DLEU7: variants seen among roughly 807,000 people sequenced by gnomAD.
DLEU7 encodes the protein deleted in lymphocytic leukemia 7.
Under a neutral mutation model 16.0 loss-of-function variants are expected in DLEU7, and 17 were observed. That is an observed-to-expected ratio of 1.06 (90% CI 0.73 to 1.59). The LOEUF (loss-of-function observed/expected upper bound fraction) is 1.59. Ranked by LOEUF, DLEU7 falls within the 40% of genes most tolerant of loss-of-function variation. DLEU7 has a pLI of 0.00. For missense variants in DLEU7, 308 were observed against 314.9 expected, an observed-to-expected ratio of 0.98 and a Z score of 0.17; for synonymous variants, 113 against 139.8, an observed-to-expected ratio of 0.81 and a Z score of 1.35.
intron 1 of DLEU7, among the ~76,000 whole-genome samples, chr13:50,736,386 T>A (rs113111237): frequency 0.047 from 7,078 of 152,066 alleles, 198 homozygotes; most frequent in Non-Finnish European, 0.059. Flanking sequence ...AGGAGCAGAA[T>A]AAATAACTAT....
intron 1 of DLEU7, among the ~76,000 whole-genome samples, chr13:50,774,093 C>G (rs1351137700): frequency 6.6e-6 from 1 of 152,152 alleles, no homozygotes; most frequent in Admixed American, 6.5e-5. Context: ...GTGTAATTTC[C>G]TGGTGTGCCG....
chr13:50,775,448 C>T (rs1474895644), intron 1 of DLEU7, among the ~76,000 whole-genome samples: 2 of 152,162 alleles, frequency 1.3e-5, no homozygotes, highest in Non-Finnish European at 2.9e-5. Flanking sequence ...ACTTGAATTC[C>T]AAACTGTCTG....
intron 1 of DLEU7, among the ~76,000 whole-genome samples, chr13:50,780,651 G>A (rs557465781): frequency 5.3e-5 from 8 of 152,312 alleles, no homozygotes; most frequent in African/African-American, 7.2e-5. Flanking sequence ...CTACATAGTT[G>A]CTGAAGTGAA....
At chr13:50,757,603 G>A (rs772157745) in intron 1 of DLEU7, among the ~76,000 whole-genome samples, 16 of 152,120 alleles carry the variant, frequency 1.1e-4, no homozygotes, top group African/African-American at 2.9e-4. Context: ...CACACTATTC[G>A]TCATGCTTGT....
intron 1 of DLEU7, among the ~76,000 whole-genome samples, chr13:50,747,925 T>C (rs576884600): frequency 6.6e-6 from 1 of 152,336 alleles, no homozygotes; most frequent in South Asian, 2.1e-4. Flanking sequence ...CCATGGCAAC[T>C]GGCATGCTCA....
chr13:50,794,705 C>T (rs1876060325), intron 1 of DLEU7, among the ~76,000 whole-genome samples: 1 of 152,142 alleles, frequency 6.6e-6, no homozygotes. Context: ...TTCACAATAA[C>T]CCTTGATGTA....
intron 1 of DLEU7, among the ~76,000 whole-genome samples, chr13:50,792,577 CTCT>C (rs1430999639): frequency 6.6e-6 from 1 of 152,112 alleles, no homozygotes; most frequent in Non-Finnish European, 1.5e-5. Flanking sequence ...CTTCTACTAT[CTCT>C]TCTTCTCTAT....
At chr13:50,832,999 C>G (rs527559348) in intron 1 of DLEU7, among the ~76,000 whole-genome samples, 5 of 152,148 alleles carry the variant, frequency 3.3e-5, no homozygotes, top group Admixed American at 2.0e-4. Flanking sequence ...ATTCAACAGC[C>G]CTTCATGCTA....
intron 1 of DLEU7, among the ~76,000 whole-genome samples, chr13:50,746,657 C>G (rs1301044064): frequency 3.9e-5 from 6 of 152,178 alleles, no homozygotes; most frequent in Middle Eastern, 3.2e-3. Flanking sequence ...TGGGCAAGTT[C>G]TATTTCAGCC....
chr13:50,817,382 C>A (rs1167618548), intron 1 of DLEU7, among the ~76,000 whole-genome samples: 2 of 152,152 alleles, frequency 1.3e-5, no homozygotes, highest in African/African-American at 4.8e-5. Flanking sequence ...TCTCTGGTAA[C>A]ACATACTAGG....
intron 1 of DLEU7, among the ~76,000 whole-genome samples, chr13:50,796,060 C>A (rs1424733405): frequency 7.2e-6 from 1 of 138,866 alleles, no homozygotes; most frequent in Admixed American, 7.4e-5. Context: ...CAGCATACCA[C>A]CAGGATATAT....
At chr13:50,776,284 A>G (rs1470314878) in intron 1 of DLEU7, among the ~76,000 whole-genome samples, 1 of 152,158 alleles carries the variant, frequency 6.6e-6, no homozygotes, top group Non-Finnish European at 1.5e-5. Flanking sequence ...GAAATGATCT[A>G]TGGTCCTTGG....
At chr13:50,803,862 G>T (rs1217424302) in intron 1 of DLEU7, among the ~76,000 whole-genome samples, 1 of 152,056 alleles carries the variant, frequency 6.6e-6, no homozygotes, top group Non-Finnish European at 1.5e-5. Context: ...TATATTGTCA[G>T]ATTCATCAGT....
At chr13:50,746,557 C>T (rs886424704) in intron 1 of DLEU7, among the ~76,000 whole-genome samples, 5 of 152,150 alleles carry the variant, frequency 3.3e-5, no homozygotes, top group Non-Finnish European at 7.4e-5. Flanking sequence ...GCATTTTTGA[C>T]TAATACCTTC....
chr13:50,754,899 C>T (rs1425158195), intron 1 of DLEU7, among the ~76,000 whole-genome samples: 1 of 152,192 alleles, frequency 6.6e-6, no homozygotes, highest in Non-Finnish European at 1.5e-5. Flanking sequence ...GGCGAATTCT[C>T]TCAGCATTTG....
intron 1 of DLEU7, among the ~76,000 whole-genome samples, chr13:50,727,214 C>CATGTGT (rs1555288115): frequency 1.3e-5 from 2 of 150,078 alleles, no homozygotes; most frequent in African/African-American, 4.9e-5. Context: ...CTCTTGCATA[C>CATGTGT]GTGTGTGTGT....
Position 50,779,420 on chromosome 13 carries a change from T to C in DLEU7, c.459+63768A>G, listed in dbSNP as rs56756371. 3.2e-3 allele frequency among the ~76,000 whole-genome samples: 495 copies of C among 152,318 alleles called. 3 individuals are homozygous for C. The highest frequency in any genetic ancestry group is 0.011 in the African/African-American group (449 of 41,576). ...ATTATTCCTTGGGAGGCCAGACTTG[T>C]GTGCTACACAGCCAGGGATAAAACA... On this transcript the variant is annotated intron_variant, in intron 1 of 1. Transcript: ENST00000400393.
chr13:50,779,713 C>T (rs1330411266), intron 1 of DLEU7, among the ~76,000 whole-genome samples: 1 of 152,064 alleles, frequency 6.6e-6, no homozygotes, highest in African/African-American at 2.4e-5. Context: ...GCATCCAGCC[C>T]CCAGGGGAGT....
intron 1 of DLEU7, among the ~76,000 whole-genome samples, chr13:50,753,607 G>A (rs1230767968): frequency 6.6e-6 from 1 of 152,162 alleles, no homozygotes; most frequent in East Asian, 1.9e-4. Context: ...TCTGAGTGGA[G>A]TCCCCCGAGC....
Sources: allele counts gnomAD v4.1 joint callset (sites outside exome capture counted in the v4.1 genomes callset), GRCh38; gene constraint gnomAD v4.1.1; transcripts MANE v1.5; gene names NCBI Gene and HGNC (gene_info 2026-07-23, HGNC 2026-07-21).